The following C10orf67 variants were observed in gnomAD, a reference collection of about 807,000 sequenced individuals.
The protein encoded by C10orf67 is chromosome 10 open reading frame 67, also known as uncharacterized protein C10orf67, mitochondrial.
C10orf67 carries 60 observed loss-of-function variants against 35.6 expected under a neutral mutation model. The ratio of observed to expected loss-of-function variants is 1.68; its 90% CI spans 1.37 to 2.09. C10orf67 has a LOEUF of 2.09. Among genes scored for constraint, C10orf67 ranks in the 30% most tolerant of loss-of-function variants. The pLI, the probability that C10orf67 is intolerant of heterozygous loss-of-function variation, is 0.00. For synonymous variants in C10orf67, 167 were observed against 115.8 expected (o/e 1.44, Z -2.84); for missense variants, 474 against 330.2 (o/e 1.44, Z -3.38).
At chr10:23,241,172 C>T (rs529784736) in intron 12 of C10orf67, among the ~76,000 whole-genome samples, 1 of 152,336 alleles carries the variant, frequency 6.6e-6, no homozygotes, top group East Asian at 1.9e-4. Flanking sequence ...CTTCTACTTT[C>T]TCCCCTTTCA....
chr10:23,222,441 A>G (rs916033978), intron 15 of C10orf67, among the ~76,000 whole-genome samples: 3 of 152,194 alleles, frequency 2.0e-5, no homozygotes, highest in African/African-American at 7.2e-5. Context: ...TCTCACTTAT[A>G]AGAGCTAAAC....
intron 2 of C10orf67, among the ~76,000 whole-genome samples, chr10:23,329,797 C>CAAAAAAAAAAAAAAAAAAAAAAAAAAAAA (rs398013008): frequency 2.1e-5 from 1 of 48,074 alleles, no homozygotes; most frequent in Non-Finnish European, 3.5e-5. Context: ...GAACTTGTCT[C>CAAAAAAAAAAAAAAAAAAAAAAAAAAAAA]AAAAAAAAAA....
chr10:23,300,434 A>G (rs1226020384), intron 5 of C10orf67, among the ~76,000 whole-genome samples: 1 of 152,098 alleles, frequency 6.6e-6, no homozygotes. Context: ...ATTATAAAAA[A>G]CCGAGGTTGC....
Position 23,318,683 on chromosome 10 carries a change from T to A in C10orf67, c.546+2058A>T, listed in dbSNP as rs187090672. ...ACAGTTTGGCACAGAGTCACAGAGA[T>A]CGTTAGCAGAGCAATCTGTCCTGGG... On this transcript the variant is annotated intron_variant, in intron 4 of 15. Transcript: ENST00000636213. The A allele has an allele frequency of 5.7e-6, 3 of 527,714 alleles. No individual in the cohort carries two copies. In the Admixed American group the frequency reaches 9.6e-5, roughly 17 times the overall value. The allele number at this position is 527,714 out of a possible 1,614,324, so 32.7% of individuals were successfully genotyped here.
At chr10:23,273,599 C>G (rs1268852570) in intron 8 of C10orf67, among the ~76,000 whole-genome samples, 2 of 152,172 alleles carry the variant, frequency 1.3e-5, no homozygotes, top group Non-Finnish European at 2.9e-5. Context: ...CTCTCTTGAT[C>G]TGAAGATCCA....
intron 4 of C10orf67, among the ~76,000 whole-genome samples, chr10:23,320,483 C>A (rs1447633382): frequency 6.6e-6 from 1 of 152,168 alleles, no homozygotes; most frequent in African/African-American, 2.4e-5. Flanking sequence ...TATGGCCTCA[C>A]CAAATAAACT....
chr10:23,323,966 C>T (rs1365039854), intron 2 of C10orf67, among the ~76,000 whole-genome samples: 8 of 107,054 alleles, frequency 7.5e-5, no homozygotes, highest in Non-Finnish European at 1.2e-4. Flanking sequence ...CACACACACA[C>T]ATATGAGTTA....
intron 5 of C10orf67, among the ~76,000 whole-genome samples, chr10:23,299,224 G>T (rs1038657783): frequency 6.6e-6 from 1 of 152,112 alleles, no homozygotes; most frequent in Admixed American, 6.5e-5. Flanking sequence ...CCTAAAATTG[G>T]AGTATTGCAG....
At chr10:23,233,936 A>T (rs1841975038) in intron 13 of C10orf67, among the ~76,000 whole-genome samples, 1 of 152,242 alleles carries the variant, frequency 6.6e-6, no homozygotes, top group South Asian at 2.1e-4. Flanking sequence ...GGATGCCAGA[A>T]ATATATCACA....
Position 23,344,479 on chromosome 10 carries a change from C to T in C10orf67, c.206+90G>A. ...GCTGCTGCGATACCCCAGAGGAAAG[C>T]TGCACCCCCGTAAATAACCCTTCAG... On this transcript the variant is annotated intron_variant, in intron 1 of 15. Transcript: ENST00000636213. 4 of 1,234,072 alleles carry T rather than the reference C, an allele frequency of 3.2e-6. No individual in the cohort carries two copies. The South Asian group carries it at 5.3e-5, about 16-fold the overall frequency. 76.4% of individuals were successfully genotyped at this position (1,234,072 alleles called of 1,614,324 possible). A position where few individuals can be genotyped will look rare whatever the true frequency, so the allele number is the denominator to read the frequency against.
intron 5 of C10orf67, among the ~76,000 whole-genome samples, chr10:23,297,978 G>A (rs1298518362): frequency 3.3e-5 from 5 of 152,080 alleles, no homozygotes; most frequent in Admixed American, 6.5e-5. Flanking sequence ...CAACCCGGCC[G>A]GGCATGTTGG....
At chr10:23,278,772 G>A (rs1483461617) in intron 8 of C10orf67, among the ~76,000 whole-genome samples, 1 of 152,206 alleles carries the variant, frequency 6.6e-6, no homozygotes, top group Non-Finnish European at 1.5e-5. Context: ...CAGCACAGAA[G>A]GAACAGAACT....
At chr10:23,248,498 C>G (rs574731773) in intron 12 of C10orf67, among the ~76,000 whole-genome samples, 6 of 152,260 alleles carry the variant, frequency 3.9e-5, no homozygotes, top group African/African-American at 9.6e-5. Flanking sequence ...TGGGACCCAA[C>G]ATAAATCATG....
At chr10:23,218,280 A>G (rs1325588) in intron 15 of C10orf67, among the ~76,000 whole-genome samples, 33,903 of 149,778 alleles carry the variant, frequency 0.23, 4,936 homozygotes, top group African/African-American at 0.4. Flanking sequence ...AGCTGGGACT[A>G]CAGGTTCACA....
intron 1 of C10orf67, among the ~76,000 whole-genome samples, chr10:23,342,546 T>G (rs1845939959): frequency 6.6e-6 from 1 of 152,184 alleles, no homozygotes; most frequent in African/African-American, 2.4e-5. Flanking sequence ...ACCATCGGTC[T>G]GCTCTTGAGC....
At chr10:23,281,784 T>C in intron 8 of C10orf67, among the ~76,000 whole-genome samples, 1 of 152,222 alleles carries the variant, frequency 6.6e-6, no homozygotes, top group East Asian at 1.9e-4. Flanking sequence ...ATGGTAATAC[T>C]ATTTTTTACA....
At chr10:23,205,952 A>G (rs901706050) in intron 15 of C10orf67, among the ~76,000 whole-genome samples, 3 of 152,232 alleles carry the variant, frequency 2.0e-5, no homozygotes, top group Non-Finnish European at 4.4e-5. Flanking sequence ...AAACACTTCC[A>G]TGTTTTCTTT....
At chr10:23,243,628 G>A (rs559266709) in intron 12 of C10orf67, among the ~76,000 whole-genome samples, 623 of 151,498 alleles carry the variant, frequency 4.1e-3, no homozygotes, top group African/African-American at 0.014. Context: ...CGGAGGTTGC[G>A]GTGAGCTGAG....
chr10:23,262,958 T>C (rs1213682897), intron 10 of C10orf67, among the ~76,000 whole-genome samples: 6 of 152,234 alleles, frequency 3.9e-5, no homozygotes, highest in Non-Finnish European at 8.8e-5. Context: ...GTTATCCATA[T>C]TATAAGACAA....
Sources: gnomAD v4.1 joint callset for allele counts (sites outside exome capture counted in the v4.1 genomes callset) on GRCh38, gnomAD v4.1.1 for gene constraint, MANE v1.5 for transcripts, NCBI Gene and HGNC (gene_info 2026-07-23, HGNC 2026-07-21) for gene names.